The following CST7 variants were observed in gnomAD, a reference collection of about 807,000 sequenced individuals.
CST7 encodes the protein cystatin-F.
A neutral mutation model predicts 13.1 loss-of-function variants in CST7; 15 were observed. That is an observed-to-expected ratio of 1.14 (90% CI 0.77 to 1.76). The LOEUF (loss-of-function observed/expected upper bound fraction) is 1.76, where lower values mean the gene tolerates loss of function less well. CST7 is among the 40% of genes most tolerant of loss of function. CST7 has a pLI of 0.00. For missense variants in CST7, 193 were observed against 178.8 expected, an observed-to-expected ratio of 1.08 and a Z score of -0.45; for synonymous variants, 75 against 66.9, an observed-to-expected ratio of 1.12 and a Z score of -0.59.
rs1422917290 is a variant in CST7 at position 24,959,826 on chromosome 20, G to A, written c.*114G>A. 6 of 1,060,464 alleles carry A rather than the reference G, an allele frequency of 5.7e-6. No homozygotes were observed. Among genetic ancestry groups the A allele is most frequent in the Non-Finnish European group, 8.7e-6 (6 of 689,848 alleles). The allele number at this position is 1,060,464 out of a possible 1,614,324, so 65.7% of individuals were successfully genotyped here. On this transcript the variant is annotated 3_prime_UTR_variant, in exon 4 of 4. Transcript: ENST00000480798. ...ACAGACCCTCTCAGGCCTCTGACGA[G>A]TGAGCGGGTGAAGTGCCACTGGGTC...
intron 1 of CST7, among the ~76,000 whole-genome samples, chr20:24,956,601 G>C (rs1039363571): frequency 1.3e-5 from 2 of 152,142 alleles, no homozygotes; most frequent in African/African-American, 4.8e-5. Context: ...ACTCATAGGA[G>C]TGAAAAAGAC....
Position 24,957,470 on chromosome 20 carries a change from G to A in CST7, c.243+11G>A. The stretch of plus-strand genomic sequence containing the variant: ...AGGGCCCTAGTTCAGGTAACGGTCT[G>A]GGTTCTGGTCACATATCACGGACAC... On this transcript the variant is annotated intron_variant, in intron 2 of 3. Transcript: ENST00000480798. 1.2e-6 allele frequency: 2 copies of A among 1,612,542 alleles called. No homozygotes were observed. Among genetic ancestry groups the A allele is most frequent in the Non-Finnish European group, 1.7e-6 (2 of 1,179,168 alleles).
At chr20:24,951,546 C>G (rs1237315520) in intron 1 of CST7, among the ~76,000 whole-genome samples, 2 of 152,220 alleles carry the variant, frequency 1.3e-5, no homozygotes, top group Non-Finnish European at 2.9e-5. Context: ...GCCCCAGACA[C>G]AAGCATGCGT....
chr20:24,955,662 G>A (rs947539963), intron 1 of CST7, among the ~76,000 whole-genome samples: 7 of 152,150 alleles, frequency 4.6e-5, no homozygotes, highest in African/African-American at 1.7e-4. Context: ...TGTTTGCCAG[G>A]ATGGCCTCGA....
At position 24,958,980 on chromosome 20, in the gene CST7, G is replaced by A; in HGVS notation, c.296G>A (p.Cys99Tyr). 1 of 1,614,018 alleles carries A rather than the reference G, an allele frequency of 6.2e-7. No homozygotes were observed. The highest frequency in any genetic ancestry group is 1.1e-5 in the South Asian group (1 of 91,076). ...GAGGTGGAAATTGGCAGAACTACCTGCAAGAAAAACCAGCACCTGCGTCTG... is the reference window on the plus strand; with the variant it reads ...GAGGTGGAAATTGGCAGAACTACCTACAAGAAAAACCAGCACCTGCGTCTG... ...MLEVEIGRTT[C>Y]KKNQHLRLDD... The change falls in exon 3 of 4, where the codon TGC becomes TAC. Residue 99 changes from cysteine (C) to tyrosine (Y), a missense_variant. By Grantham distance (194) the Cys-to-Tyr change is radical. Transcript: ENST00000480798.
intron 1 of CST7, among the ~76,000 whole-genome samples, chr20:24,951,555 G>A (rs539167921): frequency 8.5e-5 from 13 of 152,292 alleles, no homozygotes; most frequent in South Asian, 6.2e-4. Context: ...ACAAGCATGC[G>A]TCCTGCCCCC....
At chr20:24,951,086 T>C (rs227656) in intron 1 of CST7, among the ~76,000 whole-genome samples, 112,151 of 152,046 alleles carry the variant, frequency 0.74, 41,701 homozygotes, top group East Asian at 0.99. Context: ...TTTTCCTGGG[T>C]GGTGTTCCCG....
chr20:24,958,882 C>A, intron 2 of CST7, 46 bp from the exon 3 acceptor site: 1 of 1,413,750 alleles, frequency 7.1e-7, no homozygotes, highest in African/African-American at 1.4e-5. Flanking sequence ...AGAAGCCTGC[C>A]CTCCCTCCCC....
At chr20:24,957,031 G>GTA (rs1568806071) in intron 1 of CST7, among the ~76,000 whole-genome samples, 7 of 1,300 alleles carry the variant, frequency 5.4e-3, no homozygotes, top group South Asian at 0.018. Flanking sequence ...GGTGAGGGGA[G>GTA]CAGGTGAGAG....
intron 1 of CST7, among the ~76,000 whole-genome samples, chr20:24,953,081 G>A (rs2087830519): frequency 6.6e-6 from 1 of 152,230 alleles, no homozygotes; most frequent in South Asian, 2.1e-4. Context: ...GCTCCCTGCT[G>A]CCTTGGGCAG....
rs1371848117 is a variant in CST7 at position 24,959,820 on chromosome 20, T to TG, written c.*109dup. Reference sequence around the variant, plus strand: ...AGCCTCACAGACCCTCTCAGGCCTCTGACGAGTGAGCGGGTGAAGTGCCAC... The same window carrying TG: ...AGCCTCACAGACCCTCTCAGGCCTCTGGACGAGTGAGCGGGTGAAGTGCCAC... On this transcript the variant is annotated 3_prime_UTR_variant, in exon 4 of 4. Coordinates refer to ENST00000480798, the MANE Select transcript of CST7 (RefSeq NM_003650.4). 5 of 1,137,534 alleles carry TG rather than the reference T, an allele frequency of 4.4e-6. No individual in the cohort carries two copies. The highest frequency in any genetic ancestry group is 6.6e-6 in the Non-Finnish European group (5 of 755,490). The allele number at this position is 1,137,534 out of a possible 1,614,324, so 70.5% of individuals were successfully genotyped here. A position where few individuals can be genotyped will look rare whatever the true frequency, so the allele number is the denominator to read the frequency against.
intron 1 of CST7, among the ~76,000 whole-genome samples, chr20:24,950,681 T>TG (rs1568803918): frequency 6.6e-6 from 1 of 152,058 alleles, no homozygotes; most frequent in African/African-American, 2.4e-5. Context: ...GGGGACAGCA[T>TG]ACCCGGCCCT....
rs753233539 is a variant in CST7 at position 24,958,930 on chromosome 20, A to G, written c.246A>G (p.Ile82Met). The change falls in exon 3 of 4, where the codon ATA becomes ATG. Residue 82 changes from isoleucine (I) to methionine (M), a missense_variant and splice_region_variant. Coordinates refer to ENST00000480798, the MANE Select transcript of CST7 (RefSeq NM_003650.4). ...ESRITRALVQ[I>M]VKGLKYMLEV... is the part of the protein sequence containing the mutation. ...CCCAGTCCCTTTGCTCCCTCCAGAT[A>G]GTGAAAGGCCTGAAATATATGCTGG... is the stretch of plus-strand genomic sequence containing the variant. 2.5e-6 allele frequency: 4 copies of G among 1,609,686 alleles called. No homozygotes were observed. In the South Asian group the frequency reaches 4.4e-5, roughly 18 times the overall value.
Position 24,957,313 on chromosome 20 carries a change from C to G in CST7, c.97C>G (p.Arg33Gly). Residue 33 changes from arginine (R) to glycine (G), a missense_variant, in exon 2 of 4, where the codon CGT becomes GGT. Physicochemically the swap from Arg to Gly is moderately radical, Grantham distance 125. Transcript: ENST00000480798. Reference sequence around the variant, plus strand: ...TACTTGTTCCCAGGACCTTAACTCACGTGTGAAGCCAGGATTTCCTAAAAC... The same window carrying G: ...TACTTGTTCCCAGGACCTTAACTCAGGTGTGAAGCCAGGATTTCCTAAAAC... Reference protein sequence around the residue: ...PDTCSQDLNSRVKPGFPKTIK... With the variant: ...PDTCSQDLNSGVKPGFPKTIK... 6.2e-7 allele frequency: 1 copy of G among 1,612,758 alleles called. No individual in the cohort carries two copies. Among genetic ancestry groups the G allele is most frequent in the South Asian group, 1.1e-5 (1 of 91,064 alleles).
At chr20:24,954,334 C>G (rs6050197) in intron 1 of CST7, among the ~76,000 whole-genome samples, 2 of 152,164 alleles carry the variant, frequency 1.3e-5, no homozygotes. Context: ...CCCATTCTCC[C>G]GCTCCCTGCC....
rs549598804 is a variant in CST7, at chr20:24,949,344, G to A, written c.-162G>A. On this transcript the variant is annotated 5_prime_UTR_variant, in exon 1 of 4. Transcript: ENST00000480798. ...GGCACTGGCCCGTGCTGCCTGAGAA[G>A]GATTGGCACGGGCACAGACCACTGC... is the stretch of plus-strand genomic sequence containing the variant. 1.3e-4 allele frequency: 197 copies of A among 1,542,292 alleles called. 1 individual carries two copies. In the East Asian group the frequency reaches 4.2e-3, roughly 33 times the overall value.
At chr20:24,952,235 C>A (rs1452342421) in intron 1 of CST7, among the ~76,000 whole-genome samples, 1 of 152,214 alleles carries the variant, frequency 6.6e-6, no homozygotes, top group Non-Finnish European at 1.5e-5. Context: ...TTCTCACTGT[C>A]GTCAGCATCC....
rs143346162 is a variant in CST7 at position 24,957,417 on chromosome 20, G to A, written c.201G>A (p.Met67Ile). 6.2e-7 allele frequency: 1 copy of A among 1,613,670 alleles called. No individual in the cohort carries two copies. Among genetic ancestry groups the A allele is most frequent in the African/African-American group, 1.3e-5 (1 of 74,852 alleles). Reference protein sequence around the residue: ...VEKFNNCTNDMFLFKESRITR... With the variant: ...VEKFNNCTNDIFLFKESRITR... The stretch of plus-strand genomic sequence containing the variant: ...AGTTCAACAACTGCACGAACGACAT[G>A]TTCTTGTTCAAGGAGTCCCGCATCA... Residue 67 changes from methionine to isoleucine, a missense_variant, in exon 2 of 4, where the codon ATG (methionine) becomes ATA (isoleucine). Transcript: ENST00000480798.
intron 2 of CST7, among the ~76,000 whole-genome samples, chr20:24,957,663 A>G (rs1191633562): frequency 2.6e-5 from 4 of 152,110 alleles, no homozygotes; most frequent in Admixed American, 2.0e-4. Context: ...CAAAGGTTAC[A>G]CAAAGCACAC....
Sources: gnomAD v4.1 joint callset for allele counts (sites outside exome capture counted in the v4.1 genomes callset) on GRCh38, gnomAD v4.1.1 for gene constraint, MANE v1.5 for transcripts, NCBI Gene and HGNC (gene_info 2026-07-23, HGNC 2026-07-21) for gene names.